TTC7B: variants seen among roughly 807,000 people sequenced by gnomAD.
TTC7B encodes tetratricopeptide repeat protein 7B.
TTC7B carries 28 observed loss-of-function variants against 106.8 expected under a neutral mutation model. That is an observed-to-expected ratio of 0.26 (90% CI 0.19 to 0.36). The LOEUF (loss-of-function observed/expected upper bound fraction) is 0.36. Among genes scored for constraint, TTC7B ranks in the 10% least tolerant of loss-of-function variants. The pLI is 1.00. For missense variants in TTC7B, 862 were observed against 1,076.4 expected (o/e 0.80, Z 2.79); for synonymous variants, 405 against 430.6 (o/e 0.94, Z 0.74).
Position 90,663,109 on chromosome 14 carries a change from G to C in TTC7B, c.1153-4722C>G, listed in dbSNP as rs923427715. ...AGGCACTATTTTAATTACTTTACAA[G>C]CATCGCCTCATCGGGTGACCCTAAG... On this transcript the variant is annotated intron_variant, in intron 9 of 19. Coordinates refer to ENST00000328459, the MANE Select transcript of TTC7B (RefSeq NM_001010854.2). The surrounding 1 kb of genome is among the most constrained non-coding windows in gnomAD (Gnocchi z 4.5). 6.6e-6 allele frequency among the ~76,000 whole-genome samples: 1 copy of C among 152,186 alleles called. No individual in the cohort carries two copies. Among genetic ancestry groups the C allele is most frequent in the South Asian group, 2.1e-4 (1 of 4,828 alleles).
intron 9 of TTC7B, among the ~76,000 whole-genome samples, chr14:90,671,528 A>G (rs1328666656): frequency 6.6e-6 from 1 of 152,210 alleles, no homozygotes; most frequent in Non-Finnish European, 1.5e-5. Context: ...AAAACAGAGG[A>G]AGCGGTGCTT....
chr14:90,669,469 C>T (rs1047710222), intron 9 of TTC7B, among the ~76,000 whole-genome samples: 1 of 150,692 alleles, frequency 6.6e-6, no homozygotes, highest in Non-Finnish European at 1.5e-5. Flanking sequence ...GAAGCCAAGA[C>T]GGGAGGATCA....
intron 3 of TTC7B, among the ~76,000 whole-genome samples, chr14:90,770,376 G>T (rs1030711635): frequency 6.6e-6 from 1 of 152,136 alleles, no homozygotes; most frequent in Non-Finnish European, 1.5e-5. Context: ...GAACAACCAG[G>T]CCAGGCGCGG....
Position 90,742,322 on chromosome 14 carries a change from TTC to T in TTC7B, c.576+2468_576+2469del, listed in dbSNP as rs1025238496. Among the ~76,000 whole-genome samples the T allele has an allele frequency of 5.3e-5, 8 of 151,016 alleles. No individual in the cohort carries two copies. The highest frequency in any genetic ancestry group is 2.0e-4 in the Admixed American group (3 of 15,178). On this transcript the variant is annotated intron_variant, in intron 4 of 19. Transcript: ENST00000328459. This position sits in a 1 kb window ranked among gnomAD's most constrained non-coding sequence, Gnocchi z 4.1. ...CTCCCTCCCTCCTTTCTCTTTCTCT[TTC>T]TCTCTCTCTCTCTTTCTCTCTTCCT...
chr14:90,639,948 C>A (rs1325511971), intron 15 of TTC7B, among the ~76,000 whole-genome samples: 1 of 152,182 alleles, frequency 6.6e-6, no homozygotes, highest in Non-Finnish European at 1.5e-5. Flanking sequence ...CCATTTTCTA[C>A]CAAAAGTTTA....
intron 3 of TTC7B, among the ~76,000 whole-genome samples, chr14:90,775,165 C>T (rs766684189): frequency 2.0e-5 from 3 of 152,106 alleles, no homozygotes; most frequent in Non-Finnish European, 2.9e-5. Flanking sequence ...GGAAAAAAGC[C>T]GGCCTCTCCC....
chr14:90,665,865 G>A (rs573778438), intron 9 of TTC7B, among the ~76,000 whole-genome samples: 2 of 152,296 alleles, frequency 1.3e-5, no homozygotes, highest in East Asian at 3.9e-4. Context: ...CCTTGCAGTT[G>A]TGTAACTGAT....
At chr14:90,744,053 A>G (rs1420754634) in intron 4 of TTC7B, among the ~76,000 whole-genome samples, 6 of 152,174 alleles carry the variant, frequency 3.9e-5, no homozygotes, top group Non-Finnish European at 8.8e-5. Context: ...TACCCGATGT[A>G]CTCAGCTCGG....
At chr14:90,571,488 T>C (rs900643695) in intron 19 of TTC7B, among the ~76,000 whole-genome samples, 2 of 152,224 alleles carry the variant, frequency 1.3e-5, no homozygotes, top group Non-Finnish European at 2.9e-5. Flanking sequence ...GGGCACTAAA[T>C]ACTTCATAAG....
At chr14:90,700,719 C>A (rs75327821) in intron 5 of TTC7B, among the ~76,000 whole-genome samples, 1 of 88,856 alleles carries the variant, frequency 1.1e-5, no homozygotes, top group South Asian at 3.7e-4. Flanking sequence ...TAAGTGTTGA[C>A]AAAGACAATG....
At chr14:90,728,408 C>G (rs937174940) in intron 5 of TTC7B, among the ~76,000 whole-genome samples, 6 of 150,518 alleles carry the variant, frequency 4.0e-5, no homozygotes, top group African/African-American at 1.5e-4. Flanking sequence ...TCTTTAGAGC[C>G]CAGAGAGAAG....
chr14:90,690,575 C>T (rs1887432000), intron 6 of TTC7B, among the ~76,000 whole-genome samples: 1 of 152,076 alleles, frequency 6.6e-6, no homozygotes. Context: ...TGTAATCTTC[C>T]AGTAACAAAG....
chr14:90,714,517 C>T (rs998408749), intron 5 of TTC7B, among the ~76,000 whole-genome samples: 2 of 150,288 alleles, frequency 1.3e-5, no homozygotes, highest in Admixed American at 1.3e-4. Context: ...AGTGCAATGG[C>T]GCAATCTTGG....
chr14:90,755,415 A>G (rs1480449353), intron 3 of TTC7B, among the ~76,000 whole-genome samples: 2 of 152,192 alleles, frequency 1.3e-5, no homozygotes, highest in African/African-American at 4.8e-5. Context: ...TGGGAGGTCA[A>G]GGCAAGAGGA....
intron 1 of TTC7B, among the ~76,000 whole-genome samples, chr14:90,815,443 C>A (rs560946125): frequency 6.6e-6 from 1 of 152,158 alleles, no homozygotes; most frequent in East Asian, 1.9e-4. Context: ...AGGCACCAAC[C>A]CCTCACCCAC....
In TTC7B at chr14:90,774,512, G is replaced by C. The variant is rs552488008; in HGVS notation, c.445+6226C>G. Among the ~76,000 whole-genome samples, 8 of 152,268 alleles carry C rather than the reference G, an allele frequency of 5.3e-5. No individual in the cohort carries two copies. In the South Asian group the frequency reaches 1.7e-3, roughly 32 times the overall value. ...GAAAGCCCTGTGGGATGGAGTTGTC[G>C]AGGCTGACTTGGATTTGCACTGCCC... On this transcript the variant is annotated intron_variant, in intron 3 of 19. Transcript: ENST00000328459.
chr14:90,789,657 G>A (rs2140044329), intron 1 of TTC7B, among the ~76,000 whole-genome samples: 1 of 151,830 alleles, frequency 6.6e-6, no homozygotes, highest in African/African-American at 2.4e-5. Context: ...GCACTTTTAG[G>A]AGGCCAGGGC....
intron 5 of TTC7B, among the ~76,000 whole-genome samples, chr14:90,717,732 C>A (rs1888714301): frequency 6.6e-6 from 1 of 152,188 alleles, no homozygotes; most frequent in South Asian, 2.1e-4. Context: ...GTCCCCACCC[C>A]CAGCCCACCT....
chr14:90,565,027 T>C (rs964413325), intron 19 of TTC7B, among the ~76,000 whole-genome samples: 3 of 152,272 alleles, frequency 2.0e-5, no homozygotes, highest in Non-Finnish European at 2.9e-5. Context: ...TGCACTTTTA[T>C]GTTATGAGAC....
Sources: allele counts gnomAD v4.1 joint callset (sites outside exome capture counted in the v4.1 genomes callset), GRCh38; gene constraint gnomAD v4.1.1; non-coding constraint Gnocchi (gnomAD v3.1); transcripts MANE v1.5; gene names NCBI Gene and HGNC (gene_info 2026-07-23, HGNC 2026-07-21).